The following CNTNAP5 variants were observed in gnomAD, a reference collection of about 807,000 sequenced individuals.
CNTNAP5 encodes contactin associated protein family member 5.
CNTNAP5 carries 72 observed loss-of-function variants against 150.2 expected under a neutral mutation model. The observed-to-expected ratio is 0.48, with a 90% CI of 0.40 to 0.58. CNTNAP5 has a LOEUF of 0.58. Ranked by LOEUF, CNTNAP5 falls within the 20% of genes least tolerant of loss-of-function variation. The pLI is 0.00. For missense variants in CNTNAP5, 1,636 were observed against 1,626.2 expected (o/e 1.01, Z -0.10); for synonymous variants, 672 against 619.8 (o/e 1.08, Z -1.25).
intron 4 of CNTNAP5, among the ~76,000 whole-genome samples, chr2:124,428,811 A>G (rs571481342): frequency 1.3e-5 from 2 of 152,198 alleles, no homozygotes; most frequent in Non-Finnish European, 2.9e-5. Flanking sequence ...ATTCAGAGAA[A>G]GAAATCTCCA....
At chr2:124,853,904 A>C (rs1322955847) in intron 19 of CNTNAP5, among the ~76,000 whole-genome samples, 1 of 152,064 alleles carries the variant, frequency 6.6e-6, no homozygotes, top group Non-Finnish European at 1.5e-5. Flanking sequence ...TGAGAACATG[A>C]GGTATTTGGT....
At chr2:124,472,536 TATTA>T (rs1693541075) in intron 6 of CNTNAP5, among the ~76,000 whole-genome samples, 1 of 150,988 alleles carries the variant, frequency 6.6e-6, no homozygotes, top group East Asian at 1.9e-4. Context: ...ATTGATTTCA[TATTA>T]ATTATATTGA....
intron 14 of CNTNAP5, among the ~76,000 whole-genome samples, chr2:124,756,235 C>T (rs182189862): frequency 4.6e-5 from 7 of 152,242 alleles, no homozygotes; most frequent in Non-Finnish European, 7.4e-5. Flanking sequence ...TTATACCAGT[C>T]AGAATGGCTA....
rs549607806 is a variant in CNTNAP5 at position 124,771,789 on chromosome 2, T to C, written c.2534-1010T>C. Among the ~76,000 whole-genome samples the C allele has an allele frequency of 1.5e-3, 224 of 147,100 alleles. 2 individuals carry two copies. The highest frequency in any genetic ancestry group is 5.3e-3 in the African/African-American group (208 of 39,532). On this transcript the variant is annotated intron_variant, in intron 16 of 23. Coordinates refer to ENST00000682447, the MANE Select transcript of CNTNAP5 (RefSeq NM_001367498.1). Reference sequence around the variant, plus strand: ...CCAGCACTGCCACCATCACCATCACTGTCACCATTACCATCACCATCGCCA... The same window carrying C: ...CCAGCACTGCCACCATCACCATCACCGTCACCATTACCATCACCATCGCCA...
At chr2:124,482,651 G>A (rs146045632) in intron 7 of CNTNAP5, among the ~76,000 whole-genome samples, 3 of 152,194 alleles carry the variant, frequency 2.0e-5, no homozygotes, top group African/African-American at 7.2e-5. Context: ...CTCTTGCAAT[G>A]TAAGAGCTTG....
At chr2:124,142,347 GCACCA>G (rs1343675661) in intron 1 of CNTNAP5, among the ~76,000 whole-genome samples, 1 of 148,832 alleles carries the variant, frequency 6.7e-6, no homozygotes, top group Admixed American at 6.7e-5. Context: ...ATTTTTTTCA[GCACCA>G]CACCACACCT....
chr2:124,049,010 G>C (rs936112338), intron 1 of CNTNAP5, among the ~76,000 whole-genome samples: 1 of 152,198 alleles, frequency 6.6e-6, no homozygotes, highest in Non-Finnish European at 1.5e-5. Flanking sequence ...TGCAAGGGAG[G>C]ATGTCTAAAA....
chr2:124,264,575 G>A (rs812952), intron 3 of CNTNAP5, among the ~76,000 whole-genome samples: 121,491 of 152,082 alleles, frequency 0.8, 48,638 homozygotes, highest in South Asian at 0.87. Flanking sequence ...CATGTCTGAG[G>A]GATGTACTAA....
chr2:124,748,291 T>C lies in CNTNAP5; in HGVS notation c.2234+906T>C, dbSNP rs540777890. Among the ~76,000 whole-genome samples the C allele has an allele frequency of 1.9e-3, 294 of 152,282 alleles. 6 individuals carry two copies. Among genetic ancestry groups the C allele is most frequent in the Non-Finnish European group, 5.6e-4 (38 of 68,020 alleles). On this transcript the variant is annotated intron_variant, in intron 14 of 23. Transcript: ENST00000682447. ...AGTGTCAAACATGTCTGTCAAGTGA[T>C]AGATACAGAATCAGAAATCAGCCAT...
At position 124,730,302 on chromosome 2, in the gene CNTNAP5, G is replaced by A. The variant is rs184539855; in HGVS notation, c.2078-16927G>A. Among the ~76,000 whole-genome samples, 23 of 151,812 alleles carry A rather than the reference G, an allele frequency of 1.5e-4. 1 individual carries two copies. The highest frequency in any genetic ancestry group is 8.6e-4 in the Admixed American group (13 of 15,198). The stretch of plus-strand genomic sequence containing the variant: ...CATCTTTTAATGAGAATGGTGTTTC[G>A]TGTAGTATACAGGTGTGCGCGTGTG... On this transcript the variant is annotated intron_variant, in intron 13 of 23. Transcript: ENST00000682447.
At position 124,576,134 on chromosome 2, in the gene CNTNAP5, C is replaced by T. The variant is rs1047162620; in HGVS notation, c.1756+12811C>T. Among the ~76,000 whole-genome samples, 8 of 141,874 alleles carry T rather than the reference C, an allele frequency of 5.6e-5. 1 individual carries two copies. The South Asian group carries it at 1.9e-3, about 33-fold the overall frequency. 93.1% of individuals were successfully genotyped at this position (141,874 alleles called of 152,430 possible). ...TAGCATAAATAGGATTTTTGGATGG[C>T]TGTATATATCTATATCTATATCTAT... is the stretch of plus-strand genomic sequence containing the variant. On this transcript the variant is annotated intron_variant, in intron 11 of 23. Coordinates refer to ENST00000682447, the MANE Select transcript of CNTNAP5 (RefSeq NM_001367498.1).
intron 3 of CNTNAP5, among the ~76,000 whole-genome samples, chr2:124,360,307 C>T (rs1376613048): frequency 6.6e-6 from 1 of 150,602 alleles, no homozygotes; most frequent in East Asian, 2.0e-4. Flanking sequence ...AGTCCATTTA[C>T]ATTTAAAGTT....
chr2:124,790,854 A>C (rs1331535141), intron 18 of CNTNAP5, among the ~76,000 whole-genome samples: 1 of 152,234 alleles, frequency 6.6e-6, no homozygotes, highest in East Asian at 1.9e-4. Context: ...AGATAAATTC[A>C]AGATACCTCA....
intron 18 of CNTNAP5, among the ~76,000 whole-genome samples, chr2:124,792,068 CTGTT>C (rs1681747161): frequency 6.6e-6 from 1 of 152,060 alleles, no homozygotes; most frequent in African/African-American, 2.4e-5. Context: ...AGAGGGTGGT[CTGTT>C]TGGTGATTGG....
At chr2:124,631,596 GC>G (rs1677861838) in intron 12 of CNTNAP5, among the ~76,000 whole-genome samples, 1 of 151,996 alleles carries the variant, frequency 6.6e-6, no homozygotes, top group Non-Finnish European at 1.5e-5. Flanking sequence ...AGACTTAAGG[GC>G]ATAACCCAAA....
At chr2:124,206,210 A>C (rs1011779993) in intron 1 of CNTNAP5, among the ~76,000 whole-genome samples, 6 of 152,204 alleles carry the variant, frequency 3.9e-5, no homozygotes, top group African/African-American at 1.4e-4. Context: ...ACCTTGAGCA[A>C]GTTACTTAAA....
chr2:124,231,758 T>C (rs1306566050), intron 2 of CNTNAP5, among the ~76,000 whole-genome samples: 3 of 152,172 alleles, frequency 2.0e-5, no homozygotes, highest in Non-Finnish European at 4.4e-5. Flanking sequence ...CATTGAAAGA[T>C]ACAGGACAGA....
intron 12 of CNTNAP5, among the ~76,000 whole-genome samples, chr2:124,618,299 C>G (rs1430924479): frequency 6.6e-6 from 1 of 152,106 alleles, no homozygotes; most frequent in East Asian, 1.9e-4. Context: ...TAAGAGGTAG[C>G]AACAAGATGT....
intron 3 of CNTNAP5, among the ~76,000 whole-genome samples, chr2:124,267,421 C>T (rs1016728189): frequency 2.0e-5 from 3 of 152,042 alleles, no homozygotes; most frequent in Non-Finnish European, 4.4e-5. Context: ...CCCCTGTGAC[C>T]AACAACCCCG....
Sources: gnomAD v4.1 joint callset for allele counts (sites outside exome capture counted in the v4.1 genomes callset) on GRCh38, gnomAD v4.1.1 for gene constraint, MANE v1.5 for transcripts, NCBI Gene and HGNC (gene_info 2026-07-23, HGNC 2026-07-21) for gene names.